TTBK1: variants seen among roughly 807,000 people sequenced by gnomAD.
TTBK1 encodes tau tubulin kinase 1, also known as tau-tubulin kinase 1.
In TTBK1, 34 loss-of-function variants were observed where a neutral mutation model predicts 108.5. The observed-to-expected ratio is 0.31, with a 90% CI of 0.24 to 0.42. TTBK1 has a LOEUF of 0.42. Among genes scored for constraint, TTBK1 ranks in the 10% least tolerant of loss-of-function variants. The pLI, the probability that TTBK1 is intolerant of heterozygous loss-of-function variation, is 1.00. For synonymous variants in TTBK1, 809 were observed against 795.1 expected, an observed-to-expected ratio of 1.02 and a Z score of -0.29; for missense variants, 1,539 against 1,826.0, an observed-to-expected ratio of 0.84 and a Z score of 2.86.
At position 43,259,581 on chromosome 6, in the gene TTBK1, C is replaced by T; in HGVS notation, c.1299C>T (p.Ser433=). 1 of 1,609,348 alleles carries T rather than the reference C, an allele frequency of 6.2e-7. No individual in the cohort carries two copies. The highest frequency in any genetic ancestry group is 1.3e-5 in the African/African-American group (1 of 74,946). The change falls in exon 12 of 15, where the codon TCC becomes TCT. Residue 433 remains serine, a synonymous_variant. Transcript: ENST00000259750. This position sits in a 1 kb window ranked among gnomAD's most constrained non-coding sequence, Gnocchi z 6.7. ...EQSRGMGVPS[S]PVRAPPDSPT... ...GCCGAGGCATGGGGGTCCCCAGCTC[C>T]CCAGTGCGTGCCCCCCCAGACTCCC...
Position 43,266,686 on chromosome 6 carries a change from G to A in TTBK1, c.1986+3336G>A, listed in dbSNP as rs1048702275. Among the ~76,000 whole-genome samples the A allele has an allele frequency of 9.9e-5, 15 of 151,682 alleles. No homozygotes were observed. In the East Asian group the frequency reaches 2.9e-3, roughly 29 times the overall value. ...GGCTGGAGTGCAATGGCGTGATCTC[G>A]GCTCACTGCAACCTCCACCTCCCAG... On this transcript the variant is annotated intron_variant, in intron 13 of 14. Transcript: ENST00000259750.
Position 43,283,701 on chromosome 6 carries a change from G to A in TTBK1, c.2961G>A (p.Gly987=). 1 of 1,613,946 alleles carries A rather than the reference G, an allele frequency of 6.2e-7. No homozygotes were observed. The highest frequency in any genetic ancestry group is 8.5e-7 in the Non-Finnish European group (1 of 1,179,922). ...TGGAGAACGGCCTCGCCCTGTCAGGGCTGAATGGGGCTGAGATAGAGGGCT... is the reference window on the plus strand; with the variant it reads ...TGGAGAACGGCCTCGCCCTGTCAGGACTGAATGGGGCTGAGATAGAGGGCT... ...APLENGLALS[G]LNGAEIEGSA... The change falls in exon 14 of 15, where the codon GGG becomes GGA. Residue 987 remains glycine (G), a synonymous_variant. Transcript: ENST00000259750. The surrounding 1 kb of genome is among the most constrained non-coding windows in gnomAD (Gnocchi z 8.1).
At chr6:43,249,599 CAG>C (rs531066636) in intron 2 of TTBK1, among the ~76,000 whole-genome samples, 1 of 151,096 alleles carries the variant, frequency 6.6e-6, no homozygotes, top group Non-Finnish European at 1.5e-5. Context: ...TTTTTTGAGA[CAG>C]GGTCTCACTC....
chr6:43,254,128 T>C (rs1777321851), intron 5 of TTBK1, among the ~76,000 whole-genome samples: 1 of 152,168 alleles, frequency 6.6e-6, no homozygotes, highest in South Asian at 2.1e-4. Flanking sequence ...AATCTCCAAC[T>C]TAAAGAGATG....
chr6:43,270,704 C>T (rs1777811879), intron 13 of TTBK1: 1 of 985,260 alleles, frequency 1.0e-6, no homozygotes, highest in African/African-American at 1.7e-5. Context: ...CTCGGCTCCT[C>T]AGGAACTGAG....
chr6:43,272,163 C>T (rs183457975), intron 13 of TTBK1: 2 of 985,448 alleles, frequency 2.0e-6, no homozygotes, highest in Admixed American at 1.2e-4. Flanking sequence ...AACCTGCCCA[C>T]CATCTGCTCC....
chr6:43,252,897 C>G lies in TTBK1; in HGVS notation c.256+11C>G. The G allele has an allele frequency of 1.2e-6, 2 of 1,612,490 alleles. No homozygotes were observed. Among genetic ancestry groups the G allele is most frequent in the South Asian group, 1.1e-5 (1 of 91,032 alleles). The stretch of plus-strand genomic sequence containing the variant: ...TCAAGAAGTTGCAAGGTTCGGGCCT[C>G]GGGCAGGGGGATGGGAAGGAAGAGA... On this transcript the variant is annotated intron_variant, in intron 3 of 14. Transcript: ENST00000259750.
intron 1 of TTBK1, among the ~76,000 whole-genome samples, chr6:43,244,022 T>C (rs533431412): frequency 6.6e-6 from 1 of 152,114 alleles, no homozygotes; most frequent in African/African-American, 2.4e-5. Flanking sequence ...CATTCGGCTG[T>C]CTCCGTAACC....
chr6:43,255,494 C>A, intron 7 of TTBK1, 58 bp from the exon 8 acceptor site: 1 of 1,469,462 alleles, frequency 6.8e-7, no homozygotes, highest in Non-Finnish European at 9.3e-7. Flanking sequence ...AAGGGTCAGC[C>A]GCCCATTCCC....
Position 43,283,700 on chromosome 6 carries a change from G to A in TTBK1, c.2960G>A (p.Gly987Glu), listed in dbSNP as rs2150716322. 2 of 1,613,946 alleles carry A rather than the reference G, an allele frequency of 1.2e-6. No individual in the cohort carries two copies. Among genetic ancestry groups the A allele is most frequent in the African/African-American group, 1.3e-5 (1 of 75,028 alleles). Residue 987 changes from glycine (G) to glutamate (E), a missense_variant, in exon 14 of 15, where the codon GGG becomes GAG. Gly to Glu is a moderately conservative substitution (Grantham distance 98). Transcript: ENST00000259750. This position sits in a 1 kb window ranked among gnomAD's most constrained non-coding sequence, Gnocchi z 8.1. ...CTGGAGAACGGCCTCGCCCTGTCAGGGCTGAATGGGGCTGAGATAGAGGGC... is the reference window on the plus strand; with the variant it reads ...CTGGAGAACGGCCTCGCCCTGTCAGAGCTGAATGGGGCTGAGATAGAGGGC... ...APLENGLALSGLNGAEIEGSA... is the reference protein window; with the variant it reads ...APLENGLALSELNGAEIEGSA...
At chr6:43,244,445 G>A (rs1777035906) in intron 1 of TTBK1, among the ~76,000 whole-genome samples, 1 of 152,138 alleles carries the variant, frequency 6.6e-6, no homozygotes, top group Non-Finnish European at 1.5e-5. Flanking sequence ...CTCTCTGACA[G>A]ATATTCATAC....
intron 6 of TTBK1, 59 bp downstream of exon 6, chr6:43,254,710 G>A: frequency 6.8e-7 from 1 of 1,463,402 alleles, no homozygotes; most frequent in Admixed American, 2.3e-5. Context: ...CCAGATCTGG[G>A]GACCCTTCAC....
At chr6:43,279,154 C>T (rs1190967932) in intron 13 of TTBK1, among the ~76,000 whole-genome samples, 3 of 152,176 alleles carry the variant, frequency 2.0e-5, no homozygotes, top group African/African-American at 4.8e-5. Context: ...CTCATTCCTC[C>T]TCTCTCCCAG....
Position 43,276,932 on chromosome 6 carries a change from G to T in TTBK1, c.1987-5795G>T, listed in dbSNP as rs963952290. 1.3e-5 allele frequency among the ~76,000 whole-genome samples: 2 copies of T among 152,174 alleles called. No homozygotes were observed. Among genetic ancestry groups the T allele is most frequent in the Admixed American group, 6.5e-5 (1 of 15,288 alleles). ...GCTGGCAGTCTCCTTTCACTGAACG[G>T]GTGGGGAGGGAAGGGGTGAGTGGAC... On this transcript the variant is annotated intron_variant, in intron 13 of 14. Transcript: ENST00000259750. The surrounding 1 kb of genome is among the most constrained non-coding windows in gnomAD (Gnocchi z 5.4).
At position 43,284,177 on chromosome 6, in the gene TTBK1, G is replaced by C; in HGVS notation, c.3437G>C (p.Ser1146Thr). 6.4e-7 allele frequency: 1 copy of C among 1,563,192 alleles called. No homozygotes were observed. Among genetic ancestry groups the C allele is most frequent in the Non-Finnish European group, 8.6e-7 (1 of 1,162,076 alleles). The change falls in exon 14 of 15, where the codon AGC becomes ACC. Residue 1146 changes from serine (S) to threonine (T), a missense_variant. Physicochemically the swap from Ser to Thr is moderately conservative, Grantham distance 58. This residue lies in a region of TTBK1 where 1,055 missense variants were observed against 1,086.5 expected (regional missense o/e 0.97). Transcript: ENST00000259750. ...SEPAAALPRK[S>T]GRAAATRSRI... ...CCGGCAGCGGCCTTGCCCAGGAAGAGCGGGAGGGCAGCCGCCACCAGGAGC... is the reference window on the plus strand; with the variant it reads ...CCGGCAGCGGCCTTGCCCAGGAAGACCGGGAGGGCAGCCGCCACCAGGAGC...
rs1245936179 is a variant in TTBK1, at chr6:43,285,468, G to T, written c.*92G>T. ...GGAGCAGCTCCCAGCACAGCCTTAC[G>T]CGCCCGACGCGCGCCACCCGCGGCC... On this transcript the variant is annotated 3_prime_UTR_variant, in exon 15 of 15. Coordinates refer to ENST00000259750, the MANE Select transcript of TTBK1 (RefSeq NM_032538.3). The surrounding 1 kb of genome is among the most constrained non-coding windows in gnomAD (Gnocchi z 4.7). 2.5e-6 allele frequency: 3 copies of T among 1,214,948 alleles called. No homozygotes were observed. The Admixed American group carries it at 1.3e-4, about 54-fold the overall frequency. The allele number at this position is 1,214,948 out of a possible 1,614,324, so 75.3% of individuals were successfully genotyped here.
chr6:43,271,655 A>G, intron 13 of TTBK1: 7 of 985,384 alleles, frequency 7.1e-6, no homozygotes, highest in African/African-American at 1.7e-5. Context: ...CCTGGAGCCA[A>G]ACTGTCCACA....
At chr6:43,264,606 G>A (rs1487600183) in intron 13 of TTBK1, among the ~76,000 whole-genome samples, 1 of 152,136 alleles carries the variant, frequency 6.6e-6, no homozygotes, top group Non-Finnish European at 1.5e-5. Flanking sequence ...TAGGGGGAAT[G>A]AGAGGAGAAG....
At position 43,255,731 on chromosome 6, in the gene TTBK1, G is replaced by A; in HGVS notation, c.736G>A (p.Glu246Lys). ...TCTCCCTGTGGCCTCTTGCCTCCAG[G>A]AACAGGTAGGGATGATCAAGGAGAA... ...QLPWRKIKDK[E>K]QVGMIKEKYE... Residue 246 changes from glutamate to lysine, a missense_variant and splice_region_variant, in exon 9 of 15, where the codon GAA (glutamate) becomes AAA (lysine). Physicochemically the swap from Glu to Lys is moderately conservative, Grantham distance 56 (BLOSUM62 1). Around this residue, in one of 5 missense-constraint regions of TTBK1, gnomAD observed 155 missense variants for 348.5 expected, o/e 0.44. Coordinates refer to ENST00000259750, the MANE Select transcript of TTBK1 (RefSeq NM_032538.3). The A allele has an allele frequency of 6.2e-7, 1 of 1,614,144 alleles. No individual in the cohort carries two copies. Among genetic ancestry groups the A allele is most frequent in the Non-Finnish European group, 8.5e-7 (1 of 1,180,020 alleles).
Sources: gnomAD v4.1 joint callset for allele counts (sites outside exome capture counted in the v4.1 genomes callset) on GRCh38, gnomAD v4.1.1 for gene constraint, gnomAD v4.1.1 regional missense constraint, Gnocchi (gnomAD v3.1) non-coding constraint, MANE v1.5 for transcripts, NCBI Gene and HGNC (gene_info 2026-07-23, HGNC 2026-07-21) for gene names.